Variants in SHPRH observed in about 807,000 individuals in gnomAD.
SHPRH encodes SNF2 histone linker PHD RING helicase, also known as E3 ubiquitin-protein ligase SHPRH.
Under a neutral mutation model 202.5 loss-of-function variants are expected in SHPRH, and 106 were observed. The observed-to-expected ratio is 0.52, with a 90% CI of 0.45 to 0.62. SHPRH has a LOEUF of 0.62. Among genes scored for constraint, SHPRH ranks in the 20% least tolerant of loss-of-function variants. The probability of loss-of-function intolerance (pLI) is 0.00; values close to 1 mark genes in which losing one functional copy is unlikely to be tolerated. For missense variants in SHPRH, 1,710 were observed against 2,020.0 expected, an observed-to-expected ratio of 0.85 and a Z score of 2.94; for synonymous variants, 729 against 686.0, an observed-to-expected ratio of 1.06 and a Z score of -0.98.
chr6:145,915,330 TTAAA>T (rs1269692075), intron 23 of SHPRH, among the ~76,000 whole-genome samples: 2 of 151,680 alleles, frequency 1.3e-5, no homozygotes, highest in Non-Finnish European at 2.9e-5. Flanking sequence ...ATTGTTGCTT[TTAAA>T]TAGTCAATAT....
At chr6:145,860,726 C>T (rs1778222695), downstream of SHPRH, among the ~76,000 whole-genome samples, 1 of 152,168 alleles carries the variant, frequency 6.6e-6, no homozygotes, top group South Asian at 2.1e-4. Context: ...CCAGAGGTAT[C>T]ACATTCTATT....
intron 1 of SHPRH, among the ~76,000 whole-genome samples, chr6:145,960,011 C>G (rs545103181): frequency 6.6e-6 from 1 of 152,336 alleles, no homozygotes; most frequent in Non-Finnish European, 1.5e-5. Flanking sequence ...CAGTTAACTA[C>G]TGCCACAAAC....
At chr6:145,875,165 C>T (rs1255269090) in intron 2 of SHPRH, among the ~76,000 whole-genome samples, 1 of 152,188 alleles carries the variant, frequency 6.6e-6, no homozygotes, top group Non-Finnish European at 1.5e-5. Flanking sequence ...CATCCTGTAC[C>T]ATGGTAAATG....
At chr6:145,937,491 C>T (rs1786240162) in intron 11 of SHPRH, among the ~76,000 whole-genome samples, 1 of 152,068 alleles carries the variant, frequency 6.6e-6, no homozygotes, top group Non-Finnish European at 1.5e-5. Flanking sequence ...CAATTAATAT[C>T]CTAACATCCA....
chr6:145,920,273 G>A (rs531639711), intron 21 of SHPRH, among the ~76,000 whole-genome samples: 90 of 152,142 alleles, frequency 5.9e-4, no homozygotes, highest in African/African-American at 2.0e-3. Flanking sequence ...GCTCTCTTCT[G>A]GACAAAGGGT....
rs1378516845 is a variant in SHPRH, at chr6:145,886,439, T to C, written c.*252A>G. ...ATTCCCTTGCATCATCAGATATAGA[T>C]ACTATTTGGGACAAAAAATAAATGT... On this transcript the variant is annotated 3_prime_UTR_variant, in exon 30 of 30. Transcript: ENST00000275233. 3.8e-6 allele frequency: 3 copies of C among 792,312 alleles called. No homozygotes were observed. Among genetic ancestry groups the C allele is most frequent in the Non-Finnish European group, 6.8e-6 (3 of 439,968 alleles). 49.1% of individuals were successfully genotyped at this position (792,312 alleles called of 1,614,324 possible).
chr6:145,893,478 T>C (rs1781745222), intron 27 of SHPRH, 85 bp from the exon 28 acceptor site: 2 of 1,225,696 alleles, frequency 1.6e-6, no homozygotes, highest in Non-Finnish European at 2.2e-6. Flanking sequence ...AGATGTCTAA[T>C]GCTATCTATT....
intron 25 of SHPRH, among the ~76,000 whole-genome samples, chr6:145,900,357 T>C (rs991153659): frequency 1.3e-5 from 2 of 152,148 alleles, no homozygotes; most frequent in Non-Finnish European, 2.9e-5. Flanking sequence ...AGATAACATC[T>C]ATGTACCTGA....
chr6:145,950,167 AG>A, intron 4 of SHPRH, 96 bp downstream of exon 4: 1 of 936,552 alleles, frequency 1.1e-6, no homozygotes, highest in Non-Finnish European at 1.6e-6. Context: ...TTATATTTTC[AG>A]GATGTTTATT....
chr6:145,863,761 A>G (rs971117419), downstream of SHPRH, among the ~76,000 whole-genome samples: 1 of 152,158 alleles, frequency 6.6e-6, no homozygotes, highest in Non-Finnish European at 1.5e-5. Context: ...GACATGATCA[A>G]AGTGTTTTCG....
chr6:145,930,648 A>G (rs1785340645), intron 14 of SHPRH, among the ~76,000 whole-genome samples: 1 of 152,184 alleles, frequency 6.6e-6, no homozygotes, highest in South Asian at 2.1e-4. Context: ...AATATGCCCT[A>G]TCTTCATATA....
intron 14 of SHPRH, among the ~76,000 whole-genome samples, chr6:145,930,659 C>T (rs1785342042): frequency 1.3e-5 from 2 of 152,168 alleles, no homozygotes. Flanking sequence ...TCTTCATATA[C>T]ATTTAATGTG....
intron 4 of SHPRH, among the ~76,000 whole-genome samples, chr6:145,949,615 T>A (rs1396217516): frequency 1.3e-5 from 2 of 151,938 alleles, no homozygotes; most frequent in Non-Finnish European, 2.9e-5. Context: ...AATTACATAG[T>A]GGGTACGATA....
In SHPRH at chr6:145,888,095, G is replaced by A; in HGVS notation, c.4880C>T (p.Thr1627Ile). ...RVHRIGQTKPTIVHRFLIKAT... is the reference protein window; with the variant it reads ...RVHRIGQTKPIIVHRFLIKAT... ...TTTAATTAAGAATCTGTGTACAATA[G>A]TAGGTCTAAAAGGTACAGAAGAATT... Residue 1627 changes from threonine to isoleucine, a missense_variant, in exon 29 of 30, where the codon ACT becomes ATT. Physicochemically the swap from Thr to Ile is moderately conservative, Grantham distance 89. Transcript: ENST00000275233. 1 of 1,608,010 alleles carries A rather than the reference G, an allele frequency of 6.2e-7. No individual in the cohort carries two copies. The highest frequency in any genetic ancestry group is 8.5e-7 in the Non-Finnish European group (1 of 1,175,172).
In SHPRH at chr6:145,954,876, G is replaced by T; in HGVS notation, c.447C>A (p.Phe149Leu). Residue 149 changes from phenylalanine to leucine, a missense_variant, in exon 2 of 30, where the codon TTC (phenylalanine) becomes TTA (leucine). Around this residue, in one of 8 missense-constraint regions of SHPRH, gnomAD observed 459 missense variants for 426.5 expected, o/e 1.08. Transcript: ENST00000275233. ...CACCTTTTGAATGAACATAAATCAG[G>T]AACTGATTGCTTGACTCTGAACTCA... is the stretch of plus-strand genomic sequence containing the variant. ...TLMSSESSNQ[F>L]LIYVHSKGED... 1 of 1,613,398 alleles carries T rather than the reference G, an allele frequency of 6.2e-7. No individual in the cohort carries two copies. Among genetic ancestry groups the T allele is most frequent in the South Asian group, 1.1e-5 (1 of 90,984 alleles).
intron 14 of SHPRH, among the ~76,000 whole-genome samples, chr6:145,931,625 C>T (rs866174836): frequency 1.9e-4 from 29 of 152,210 alleles, no homozygotes; most frequent in South Asian, 6.2e-4. Flanking sequence ...CACAAGCCAC[C>T]GTGCCTGGCC....
chr6:145,878,393 C>A (rs1027478235), intron 2 of SHPRH, among the ~76,000 whole-genome samples: 1 of 152,162 alleles, frequency 6.6e-6, no homozygotes, highest in Admixed American at 6.5e-5. Context: ...CATATATCCA[C>A]CCGTGTAGTA....
At chr6:145,905,172 T>A (rs1025758089) in intron 25 of SHPRH, 1 of 152,160 alleles carries the variant, frequency 6.6e-6, no homozygotes, top group Non-Finnish European at 1.5e-5. Context: ...AGCCACCTCT[T>A]CTTAGCCACA....
chr6:145,937,230 C>T (rs1490909885), intron 11 of SHPRH, among the ~76,000 whole-genome samples: 1 of 151,894 alleles, frequency 6.6e-6, no homozygotes. Context: ...ATGATCCACC[C>T]GCCTCAGCCT....
Sources: allele counts gnomAD v4.1 joint callset (sites outside exome capture counted in the v4.1 genomes callset), GRCh38; gene constraint gnomAD v4.1.1; regional missense constraint gnomAD v4.1.1; transcripts MANE v1.5; gene names NCBI Gene and HGNC (gene_info 2026-07-23, HGNC 2026-07-21).